Variants in NRG3 observed in about 807,000 individuals in gnomAD.
NRG3 encodes the protein neuregulin 3, also known as pro-neuregulin-3, membrane-bound isoform.
Under a neutral mutation model 66.9 loss-of-function variants are expected in NRG3, and 31 were observed. The ratio of observed to expected loss-of-function variants is 0.46; its 90% CI spans 0.35 to 0.63. NRG3 has a LOEUF of 0.63. Among genes scored for constraint, NRG3 ranks in the 20% least tolerant of loss-of-function variants. The pLI is 0.00. For synonymous variants in NRG3, 393 were observed against 359.4 expected (o/e 1.09, Z -1.06); for missense variants, 910 against 878.9 (o/e 1.04, Z -0.45).
chr10:82,464,511 C>G (rs370481021), intron 2 of NRG3, among the ~76,000 whole-genome samples: 2 of 152,150 alleles, frequency 1.3e-5, no homozygotes, highest in South Asian at 2.1e-4. Flanking sequence ...AAAGAGCCAG[C>G]CTTCCTTGCC....
chr10:82,015,609 T>C (rs1287132101), intron 1 of NRG3, among the ~76,000 whole-genome samples: 1 of 152,042 alleles, frequency 6.6e-6, no homozygotes, highest in East Asian at 1.9e-4. Flanking sequence ...TCTTTCCTTT[T>C]TGCTCGGCAC....
At chr10:82,953,719 C>G (rs1849747999) in intron 5 of NRG3, among the ~76,000 whole-genome samples, 1 of 151,864 alleles carries the variant, frequency 6.6e-6, no homozygotes, top group Admixed American at 6.5e-5. Flanking sequence ...TGCCTGTAAT[C>G]CCAGCACTTT....
chr10:82,753,802 C>T (rs2058970291), intron 3 of NRG3, among the ~76,000 whole-genome samples: 1 of 151,812 alleles, frequency 6.6e-6, no homozygotes, highest in Non-Finnish European at 1.5e-5. Flanking sequence ...CAAAAATTAC[C>T]TGGGCATGGT....
rs143559029 is a variant in NRG3 at position 81,969,561 on chromosome 10, A to C, written c.823+93398A>C. Among the ~76,000 whole-genome samples, 20 of 152,362 alleles carry C rather than the reference A, an allele frequency of 1.3e-4. No homozygotes were observed. The East Asian group carries it at 2.1e-3, about 16-fold the overall frequency. ...AAAATGGAAAATGATACACAAAAAA[A>C]TCCAGCGTGACCAGAAAAAATTATA... On this transcript the variant is annotated intron_variant, in intron 1 of 8. Coordinates refer to ENST00000372141, the MANE Select transcript of NRG3 (RefSeq NM_001010848.4).
At chr10:82,212,827 T>A (rs550411326) in intron 1 of NRG3, among the ~76,000 whole-genome samples, 5 of 152,216 alleles carry the variant, frequency 3.3e-5, no homozygotes, top group Non-Finnish European at 1.5e-5. Flanking sequence ...ACATCTGATG[T>A]GCATTATGAA....
rs749238686 is a variant in NRG3, at chr10:82,575,409, AT to A, written c.954-163166del. ...GGTTGGAAGAATAGCAGGTTATTAAATTACTTTTTGGGACAATAGGGTGCAC... is the reference window on the plus strand; with the variant it reads ...GGTTGGAAGAATAGCAGGTTATTAAATACTTTTTGGGACAATAGGGTGCAC... On this transcript the variant is annotated intron_variant, in intron 2 of 8. Coordinates refer to ENST00000372141, the MANE Select transcript of NRG3 (RefSeq NM_001010848.4). Among the ~76,000 whole-genome samples the A allele has an allele frequency of 1.7e-3, 253 of 151,880 alleles. 2 individuals are homozygous for A. Among genetic ancestry groups the A allele is most frequent in the African/African-American group, 5.8e-3 (240 of 41,502 alleles).
intron 3 of NRG3, among the ~76,000 whole-genome samples, chr10:82,776,014 A>C (rs1409420319): frequency 6.6e-6 from 1 of 152,166 alleles, no homozygotes. Flanking sequence ...CTATAAATTT[A>C]TTTCTATCAG....
At chr10:82,149,461 A>AT (rs1007767630) in intron 1 of NRG3, among the ~76,000 whole-genome samples, 12 of 152,030 alleles carry the variant, frequency 7.9e-5, no homozygotes, top group Non-Finnish European at 1.5e-4. Context: ...GATTTTGGAC[A>AT]TTTTTTCATG....
chr10:81,994,382 T>A (rs986664376), intron 1 of NRG3, among the ~76,000 whole-genome samples: 4 of 152,122 alleles, frequency 2.6e-5, no homozygotes, highest in South Asian at 2.1e-4. Context: ...TTAAATAAGA[T>A]ATTGTGTTAA....
intron 1 of NRG3, among the ~76,000 whole-genome samples, chr10:81,956,097 A>G (rs192866330): frequency 6.6e-6 from 1 of 152,298 alleles, no homozygotes; most frequent in East Asian, 1.9e-4. Flanking sequence ...TCATCCTATG[A>G]GAGTTGGGGT....
intron 1 of NRG3, among the ~76,000 whole-genome samples, chr10:82,121,550 A>G (rs1292874475): frequency 6.6e-6 from 1 of 152,148 alleles, no homozygotes; most frequent in Admixed American, 6.6e-5. Context: ...CTCTGGTGCT[A>G]CTAGAGAACT....
chr10:82,290,179 A>G (rs1026739375), intron 1 of NRG3, among the ~76,000 whole-genome samples: 1 of 152,182 alleles, frequency 6.6e-6, no homozygotes, highest in African/African-American at 2.4e-5. Context: ...AGAGAAGAGT[A>G]CTTAGGTGTA....
intron 1 of NRG3, among the ~76,000 whole-genome samples, chr10:82,041,873 C>A (rs1200839763): frequency 6.6e-6 from 1 of 151,814 alleles, no homozygotes; most frequent in East Asian, 1.9e-4. Flanking sequence ...TTCCCAACAA[C>A]CAAAGTCAGA....
rs1852571879 is a variant in NRG3 at position 82,978,941 on chromosome 10, C to T, written c.1413-9C>T. 1.2e-6 allele frequency: 2 copies of T among 1,612,468 alleles called. No homozygotes were observed. The highest frequency in any genetic ancestry group is 1.7e-6 in the Non-Finnish European group (2 of 1,179,080). ...TGTTTGTTTGTCTGTTTTCATTCCA[C>T]CCCAGCAGGAGTCTATCCTCTTGCT... On this transcript the variant is annotated splice_polypyrimidine_tract_variant and intron_variant, in intron 7 of 8. Coordinates refer to ENST00000372141, the MANE Select transcript of NRG3 (RefSeq NM_001010848.4).
intron 1 of NRG3, among the ~76,000 whole-genome samples, chr10:81,901,377 A>T (rs1490514594): frequency 2.0e-5 from 3 of 152,224 alleles, no homozygotes. Flanking sequence ...TATTACTAAA[A>T]TACATAGGGT....
intron 1 of NRG3, among the ~76,000 whole-genome samples, chr10:82,118,485 T>C (rs2067867043): frequency 6.6e-6 from 1 of 152,034 alleles, no homozygotes; most frequent in South Asian, 2.1e-4. Flanking sequence ...TTTTTAATAG[T>C]GTGAGAAATA....
At chr10:82,173,703 A>ACACACACACG (rs1554840471) in intron 1 of NRG3, among the ~76,000 whole-genome samples, 2 of 150,880 alleles carry the variant, frequency 1.3e-5, no homozygotes, top group Non-Finnish European at 2.9e-5. Flanking sequence ...ACACACACAC[A>ACACACACACG]CGCATGAAAA....
chr10:82,610,681 G>C (rs1280065524), intron 2 of NRG3, among the ~76,000 whole-genome samples: 1 of 152,026 alleles, frequency 6.6e-6, no homozygotes, highest in Admixed American at 6.6e-5. Context: ...ATTTAGTGTT[G>C]GTCATACAAA....
intron 1 of NRG3, among the ~76,000 whole-genome samples, chr10:82,297,896 C>G (rs763487324): frequency 2.8e-4 from 42 of 152,128 alleles, no homozygotes; most frequent in Admixed American, 4.6e-4. Flanking sequence ...AATCCCAGCA[C>G]TTCAGGAGGC....
Sources: allele counts gnomAD v4.1 joint callset (sites outside exome capture counted in the v4.1 genomes callset), GRCh38; gene constraint gnomAD v4.1.1; transcripts MANE v1.5; gene names NCBI Gene and HGNC (gene_info 2026-07-23, HGNC 2026-07-21).